Variants in LMO3 observed in about 807,000 individuals in gnomAD.
LMO3 encodes LIM domain only 3.
Under a neutral mutation model 15.8 loss-of-function variants are expected in LMO3, and 2 were observed. That is an observed-to-expected ratio of 0.13 (90% confidence interval 0.05 to 0.40). LMO3 has a LOEUF of 0.40. Ranked by LOEUF, LMO3 falls within the 10% of genes least tolerant of loss-of-function variation. The pLI is 0.99. For missense variants in LMO3, 86 were observed against 182.2 expected (o/e 0.47, Z 3.04); for synonymous variants, 62 against 63.8 (o/e 0.97, Z 0.13).
rs1328446030 is a variant in LMO3 at position 16,559,870 on chromosome 12, G to A, written c.332+543C>T. Among the ~76,000 whole-genome samples the A allele has an allele frequency of 3.3e-5, 5 of 152,054 alleles. No individual in the cohort carries two copies. Among genetic ancestry groups the A allele is most frequent in the Non-Finnish European group, 7.4e-5 (5 of 68,016 alleles). On this transcript the variant is annotated intron_variant, in intron 3 of 3. Coordinates refer to ENST00000537304, the MANE Select transcript of LMO3 (RefSeq NM_018640.5). This position sits in a 1 kb window ranked among gnomAD's most constrained non-coding sequence, Gnocchi z 4.1. ...CCAGCTACTCGGGAGGCTGAGGCAG[G>A]AGGATTGCTTGAGCACAGAAGTTGA...
chr12:16,605,337 A>G, intron 1 of LMO3: 1 of 1,157,510 alleles, frequency 8.6e-7, no homozygotes, highest in Non-Finnish European at 1.1e-6. Context: ...AGTCCCCGTA[A>G]AAAATGTGCT....
intron 2 of LMO3, among the ~76,000 whole-genome samples, chr12:16,564,816 C>T (rs1316623926): frequency 6.6e-6 from 1 of 152,140 alleles, no homozygotes; most frequent in African/African-American, 2.4e-5. Context: ...TTTAGAGTCT[C>T]ACTCTGTCAC....
At chr12:16,571,266 T>A (rs1942804735) in intron 2 of LMO3, among the ~76,000 whole-genome samples, 1 of 152,122 alleles carries the variant, frequency 6.6e-6, no homozygotes, top group African/African-American at 2.4e-5. Flanking sequence ...GATATTACGT[T>A]ACAAAGGCAT....
chr12:16,565,087 T>G (rs1171053625), intron 2 of LMO3, among the ~76,000 whole-genome samples: 1 of 152,204 alleles, frequency 6.6e-6, no homozygotes, highest in Non-Finnish European at 1.5e-5. Context: ...CTATGCCCGG[T>G]CTAGTATTTG....
intron 2 of LMO3, among the ~76,000 whole-genome samples, chr12:16,567,059 G>T (rs1227765834): frequency 1.3e-5 from 2 of 152,150 alleles, no homozygotes; most frequent in Admixed American, 1.3e-4. Context: ...AGCTGGGTGT[G>T]TTGGCAGGCG....
In LMO3 at chr12:16,549,758, GC is replaced by G. The variant is rs1345537012; in HGVS notation, c.*1463del. The G allele has an allele frequency of 6.6e-5, 10 of 152,054 alleles. No homozygotes were observed. Among genetic ancestry groups the G allele is most frequent in the African/African-American group, 2.4e-4 (10 of 41,446 alleles). 9.4% of individuals were successfully genotyped at this position (152,054 alleles called of 1,614,324 possible). A position where few individuals can be genotyped will look rare whatever the true frequency, so the allele number is the denominator to read the frequency against. On this transcript the variant is annotated 3_prime_UTR_variant, in exon 4 of 4. Coordinates refer to ENST00000537304, the MANE Select transcript of LMO3 (RefSeq NM_018640.5). Reference sequence around the variant, plus strand: ...TATTACAGGGAGCAAAAGCAAAGAAGCAAGTTTGTGGGCAACTCGGAAGAGG... The same window carrying G: ...TATTACAGGGAGCAAAAGCAAAGAAGAAGTTTGTGGGCAACTCGGAAGAGG...
At chr12:16,558,361 C>G (rs1470530459) in intron 3 of LMO3, among the ~76,000 whole-genome samples, 1 of 152,004 alleles carries the variant, frequency 6.6e-6, no homozygotes, top group East Asian at 1.9e-4. Flanking sequence ...AGTAGAAAAG[C>G]AATGACTTTA....
At chr12:16,574,720 A>G (rs1288414253) in intron 2 of LMO3, among the ~76,000 whole-genome samples, 2 of 152,190 alleles carry the variant, frequency 1.3e-5, no homozygotes, top group African/African-American at 4.8e-5. Context: ...ACCGCAAAGG[A>G]TTTATCGGCC....
chr12:16,586,447 C>G lies in LMO3; in HGVS notation c.206+14208G>C, dbSNP rs1943323186. Among the ~76,000 whole-genome samples the G allele has an allele frequency of 6.6e-6, 1 of 152,176 alleles. No individual in the cohort carries two copies. Among genetic ancestry groups the G allele is most frequent in the Non-Finnish European group, 1.5e-5 (1 of 68,034 alleles). On this transcript the variant is annotated intron_variant, in intron 2 of 3. Transcript: ENST00000537304. The surrounding 1 kb of genome is among the most constrained non-coding windows in gnomAD (Gnocchi z 4.3). ...GTTCTCCTCCAACACACAGCTGAGT[C>G]ACAGAGGCCCTGGACAATGTGTCTG... is the stretch of plus-strand genomic sequence containing the variant.
rs1028240293 is a variant in LMO3 at position 16,591,986 on chromosome 12, A to G, written c.206+8669T>C. On this transcript the variant is annotated intron_variant, in intron 2 of 3. Coordinates refer to ENST00000537304, the MANE Select transcript of LMO3 (RefSeq NM_018640.5). This position sits in a 1 kb window ranked among gnomAD's most constrained non-coding sequence, Gnocchi z 4.1. ...ATATATTCTACTTAGTTATTTGACA[A>G]TAATAGTGACTATGTTTATCAGGTG... 6.6e-6 allele frequency among the ~76,000 whole-genome samples: 1 copy of G among 152,068 alleles called. No homozygotes were observed. The highest frequency in any genetic ancestry group is 1.5e-5 in the Non-Finnish European group (1 of 67,980).
At chr12:16,590,582 C>A (rs563403626) in intron 2 of LMO3, among the ~76,000 whole-genome samples, 1 of 151,418 alleles carries the variant, frequency 6.6e-6, no homozygotes, top group East Asian at 1.9e-4. Context: ...CACATCTTTG[C>A]AATTTGTATT....
rs780222622 is a variant in LMO3 at position 16,551,164 on chromosome 12, A to T, written c.*58T>A. ...TGTGTCAATTCTTATGTACATGTGG[A>T]GCAAAAAAGATAAAAGAATGTAGTG... On this transcript the variant is annotated 3_prime_UTR_variant, in exon 4 of 4. Coordinates refer to ENST00000537304, the MANE Select transcript of LMO3 (RefSeq NM_018640.5). The T allele has an allele frequency of 5.0e-4, 552 of 1,093,454 alleles. 1 individual carries two copies. The highest frequency in any genetic ancestry group is 5.7e-4 in the Non-Finnish European group (405 of 706,764). The allele number at this position is 1,093,454 out of a possible 1,614,324, so 67.7% of individuals were successfully genotyped here.
chr12:16,578,422 G>C (rs147028684), intron 2 of LMO3, among the ~76,000 whole-genome samples: 1 of 152,328 alleles, frequency 6.6e-6, no homozygotes, highest in East Asian at 1.9e-4. Flanking sequence ...TGGAGGAACA[G>C]GGAAGAGAAG....
At chr12:16,574,945 C>T (rs1942944181) in intron 2 of LMO3, among the ~76,000 whole-genome samples, 1 of 152,040 alleles carries the variant, frequency 6.6e-6, no homozygotes, top group Admixed American at 6.6e-5. Flanking sequence ...AGGGTGCTCC[C>T]TACATAAGGC....
In LMO3 at chr12:16,582,152, A is replaced by G. The variant is rs1183951155; in HGVS notation, c.206+18503T>C. 6.6e-6 allele frequency among the ~76,000 whole-genome samples: 1 copy of G among 151,862 alleles called. No individual in the cohort carries two copies. Among genetic ancestry groups the G allele is most frequent in the Non-Finnish European group, 1.5e-5 (1 of 68,010 alleles). On this transcript the variant is annotated intron_variant, in intron 2 of 3. Coordinates refer to ENST00000537304, the MANE Select transcript of LMO3 (RefSeq NM_018640.5). This position sits in a 1 kb window ranked among gnomAD's most constrained non-coding sequence, Gnocchi z 4.1. ...CAGTAAATTTTCTTAATCATATTTA[A>G]CTGGTTTCTTCCTGTTTCTCTTTAT...
rs182906766 is a variant in LMO3, at chr12:16,582,545, T to C, written c.206+18110A>G. Among the ~76,000 whole-genome samples the C allele has an allele frequency of 6.6e-6, 1 of 152,338 alleles. No homozygotes were observed. Among genetic ancestry groups the C allele is most frequent in the East Asian group, 1.9e-4 (1 of 5,180 alleles). ...GTGTAACACTTAATTGTGGATACTA[T>C]GGAAGTGGCTAGATATACATTGCTT... On this transcript the variant is annotated intron_variant, in intron 2 of 3. Coordinates refer to ENST00000537304, the MANE Select transcript of LMO3 (RefSeq NM_018640.5). This position sits in a 1 kb window ranked among gnomAD's most constrained non-coding sequence, Gnocchi z 4.1.
chr12:16,594,679 T>C (rs1943595611), intron 2 of LMO3, among the ~76,000 whole-genome samples: 1 of 151,660 alleles, frequency 6.6e-6, no homozygotes, highest in South Asian at 2.1e-4. Flanking sequence ...AACGGTCATT[T>C]AGGTTGGTGC....
At chr12:16,574,158 G>T (rs180904585) in intron 2 of LMO3, among the ~76,000 whole-genome samples, 1 of 152,040 alleles carries the variant, frequency 6.6e-6, no homozygotes, top group Non-Finnish European at 1.5e-5. Flanking sequence ...CCAAGACCCA[G>T]AGTAAGTTAG....
At chr12:16,580,095 T>C (rs373317733) in intron 2 of LMO3, among the ~76,000 whole-genome samples, 1 of 152,198 alleles carries the variant, frequency 6.6e-6, no homozygotes, top group African/African-American at 2.4e-5. Context: ...TATGATATCA[T>C]TTATCATGTA....
Sources: allele counts gnomAD v4.1 joint callset (sites outside exome capture counted in the v4.1 genomes callset), GRCh38; gene constraint gnomAD v4.1.1; non-coding constraint Gnocchi (gnomAD v3.1); transcripts MANE v1.5; gene names NCBI Gene and HGNC (gene_info 2026-07-23, HGNC 2026-07-21).